Variants in CLIC5 observed in about 807,000 individuals in gnomAD.
CLIC5 encodes CLIC family member 5.
Under a neutral mutation model 24.7 loss-of-function variants are expected in CLIC5, and 20 were observed. The ratio of observed to expected loss-of-function variants is 0.81; its 90% CI spans 0.57 to 1.18. The LOEUF is 1.18. CLIC5 is among the 50% of genes most tolerant of loss of function. CLIC5 has a pLI of 0.00. For missense variants in CLIC5, 341 were observed against 326.1 expected, an observed-to-expected ratio of 1.05 and a Z score of -0.35; for synonymous variants, 159 against 135.6, an observed-to-expected ratio of 1.17 and a Z score of -1.20.
rs562011228 is a variant in CLIC5 at position 45,903,896 on chromosome 6, G to GA, written c.589-642dup. On this transcript the variant is annotated intron_variant, in intron 5 of 5. Transcript: ENST00000339561. Reference sequence around the variant, plus strand: ...TTTTCCCTTCTTTATTTATAGAAGGGAAAAAAAACCATGAAAAGCAAGTTA... The same window carrying GA: ...TTTTCCCTTCTTTATTTATAGAAGGGAAAAAAAAACCATGAAAAGCAAGTTA... Among the ~76,000 whole-genome samples the GA allele has an allele frequency of 3.2e-3, 485 of 151,584 alleles. 2 individuals are homozygous for GA. The highest frequency in any genetic ancestry group is 6.9e-3 in the South Asian group (33 of 4,778).
At chr6:45,946,409 G>GA (rs1160074727) in intron 3 of CLIC5, among the ~76,000 whole-genome samples, 2 of 151,910 alleles carry the variant, frequency 1.3e-5, no homozygotes, top group Non-Finnish European at 2.9e-5. Flanking sequence ...AATGTGATTT[G>GA]AAAAAAATGG....
chr6:46,106,495 A>G, the CLIC5 span, among the ~76,000 whole-genome samples: 89 of 152,182 alleles, frequency 5.8e-4, 1 homozygote, highest in Non-Finnish European at 1.1e-3. Flanking sequence ...TAAAACCTGC[A>G]ATGCTTTTTT....
chr6:46,014,101 G>A (rs1466422730), intron 1 of CLIC5, among the ~76,000 whole-genome samples: 4 of 152,224 alleles, frequency 2.6e-5, no homozygotes, highest in East Asian at 1.9e-4. Flanking sequence ...GAAGAGAACA[G>A]GCTGAAGAAA....
chr6:46,047,221 A>G (rs775754049), intron 1 of CLIC5, among the ~76,000 whole-genome samples: 10 of 152,152 alleles, frequency 6.6e-5, no homozygotes, highest in Non-Finnish European at 1.2e-4. Flanking sequence ...TTAGGCATAT[A>G]TTTAGTTTGG....
intron 1 of CLIC5, among the ~76,000 whole-genome samples, chr6:46,056,650 C>T (rs752124920): frequency 5.3e-5 from 8 of 152,058 alleles, no homozygotes; most frequent in Non-Finnish European, 4.4e-5. Flanking sequence ...AGATAGGAGT[C>T]CCCCTACACC....
Position 45,955,219 on chromosome 6 carries a change from C to T in CLIC5, c.89G>A (p.Gly30Asp). The stretch of plus-strand genomic sequence containing the variant: ...GAGGCGCTGAGAGAAAGGACAGTTG[C>T]CGATGCTTTCTCCATCGATTCCAGC... Reference protein sequence around the residue: ...VKAGIDGESIGNCPFSQRLFM... With the variant: ...VKAGIDGESIDNCPFSQRLFM... Residue 30 changes from glycine (G) to aspartate (D), a missense_variant, in exon 2 of 6, where the codon GGC becomes GAC. Physicochemically the swap from Gly to Asp is moderately conservative, Grantham distance 94. Transcript: ENST00000339561. 6.2e-7 allele frequency: 1 copy of T among 1,613,836 alleles called. No homozygotes were observed. The highest frequency in any genetic ancestry group is 8.5e-7 in the Non-Finnish European group (1 of 1,179,754).
the CLIC5 span, among the ~76,000 whole-genome samples, chr6:46,111,533 C>T: frequency 6.6e-6 from 1 of 152,204 alleles, no homozygotes; most frequent in Non-Finnish European, 1.5e-5. Flanking sequence ...TTGACCTGAT[C>T]TATTCTCAGG....
intron 1 of CLIC5, among the ~76,000 whole-genome samples, chr6:46,036,260 G>T: frequency 6.8e-6 from 1 of 147,394 alleles, no homozygotes; most frequent in Admixed American, 6.8e-5. Context: ...TTTATTATTA[G>T]TTTTCCTTTC....
intron 1 of CLIC5, among the ~76,000 whole-genome samples, chr6:45,982,579 C>T (rs546116063): frequency 1.3e-5 from 2 of 152,130 alleles, no homozygotes; most frequent in Admixed American, 6.5e-5. Flanking sequence ...ACACCGTAGG[C>T]AACTGTAACA....
chr6:46,104,688 T>G, the CLIC5 span, among the ~76,000 whole-genome samples: 1 of 150,928 alleles, frequency 6.6e-6, no homozygotes, highest in African/African-American at 2.4e-5. Context: ...AAAAGGAAAT[T>G]TGGAGATCAC....
intron 1 of CLIC5, among the ~76,000 whole-genome samples, chr6:45,999,018 C>T (rs1022813071): frequency 6.6e-6 from 1 of 152,186 alleles, no homozygotes; most frequent in African/African-American, 2.4e-5. Context: ...TTGCTGACCT[C>T]AACCTAGGCT....
Position 45,995,548 on chromosome 6 carries a change from A to G in CLIC5, c.63+19932T>C, listed in dbSNP as rs142437347. ...GCCCTACCTACAATACTGGGTTGAC[A>G]TTTCTGTTTTCTCTATTAAAAGCAT... On this transcript the variant is annotated intron_variant, in intron 1 of 5. Transcript: ENST00000339561. 2.4e-3 allele frequency among the ~76,000 whole-genome samples: 368 copies of G among 152,296 alleles called. 1 individual carries two copies. The highest frequency in any genetic ancestry group is 8.6e-3 in the African/African-American group (356 of 41,566).
chr6:46,089,471 G>A, the CLIC5 span, among the ~76,000 whole-genome samples: 3 of 152,040 alleles, frequency 2.0e-5, no homozygotes, highest in Non-Finnish European at 4.4e-5. Context: ...GATTTCAGGA[G>A]GGTCCATGAA....
At chr6:45,922,470 A>G (rs1486285533) in intron 4 of CLIC5, among the ~76,000 whole-genome samples, 2 of 152,110 alleles carry the variant, frequency 1.3e-5, no homozygotes. Context: ...TCCACAAATC[A>G]CCCTTATATT....
At chr6:45,889,277 A>T (rs1581703543) in intron 6 of CLIC5, among the ~76,000 whole-genome samples, 2 of 152,308 alleles carry the variant, frequency 1.3e-5, no homozygotes, top group East Asian at 3.9e-4. Context: ...GGTGGAGGGC[A>T]GAGAGAATAC....
chr6:45,904,451 C>A (rs978667163), intron 5 of CLIC5, among the ~76,000 whole-genome samples: 1 of 151,532 alleles, frequency 6.6e-6, no homozygotes, highest in African/African-American at 2.4e-5. Context: ...CTCAGAAGAG[C>A]CCTGCTGTTG....
At chr6:46,030,404 A>G (rs1290948403) in intron 1 of CLIC5, among the ~76,000 whole-genome samples, 1 of 152,180 alleles carries the variant, frequency 6.6e-6, no homozygotes, top group Non-Finnish European at 1.5e-5. Flanking sequence ...GAATAAACAT[A>G]GAACCTTCCT....
At chr6:46,052,188 C>G (rs535029519) in intron 1 of CLIC5, among the ~76,000 whole-genome samples, 11 of 152,174 alleles carry the variant, frequency 7.2e-5, no homozygotes, top group South Asian at 2.1e-4. Context: ...TACCACACCC[C>G]CTCTTTGAGA....
rs191431799 is a variant in CLIC5 at position 45,935,829 on chromosome 6, G to C, written c.406+5718C>G. Among the ~76,000 whole-genome samples, 21 of 152,258 alleles carry C rather than the reference G, an allele frequency of 1.4e-4. No individual in the cohort carries two copies. In the East Asian group the frequency reaches 2.3e-3, roughly 17 times the overall value. ...GGGTGGATTCCACATGAGAAAAGCA[G>C]ACAGAAAAGGATATCCAAGAACACT... On this transcript the variant is annotated intron_variant, in intron 4 of 5. Coordinates refer to ENST00000339561, the MANE Select transcript of CLIC5 (RefSeq NM_016929.5).
Sources: gnomAD v4.1 joint callset for allele counts (sites outside exome capture counted in the v4.1 genomes callset) on GRCh38, gnomAD v4.1.1 for gene constraint, MANE v1.5 for transcripts, NCBI Gene and HGNC (gene_info 2026-07-23, HGNC 2026-07-21) for gene names.